The following GPC3 variants were observed in gnomAD, a reference collection of about 807,000 sequenced individuals.
GPC3 encodes the protein glypican-3.
A neutral mutation model predicts 34.4 loss-of-function variants in GPC3; 3 were observed. The ratio of observed to expected loss-of-function variants is 0.09; its 90% CI spans 0.04 to 0.23. GPC3 has a LOEUF of 0.23. Ranked by LOEUF, GPC3 falls within the 10% of genes least tolerant of loss-of-function variation. The pLI is 1.00. For missense variants in GPC3, 351 were observed against 445.6 expected, an observed-to-expected ratio of 0.79 and a Z score of 1.91; for synonymous variants, 177 against 174.0, an observed-to-expected ratio of 1.02 and a Z score of -0.13.
At chrX:133,665,778 C>T (rs1236054014) in intron 5 of GPC3, among the ~76,000 whole-genome samples, 4 of 111,649 alleles carry the variant, frequency 3.6e-5, no homozygotes, top group Non-Finnish European at 1.9e-5. Flanking sequence ...TCATATAATG[C>T]GGTCTGTTTA....
At position 133,940,542 on chromosome X, in the gene GPC3, T is replaced by C. The variant is rs958681388; in HGVS notation, c.337+12508A>G. ...ATGAAGATTACTCAAGTCTAGCACA[T>C]AGTACACTTTTAGTAAGATTAGTTA... is the stretch of plus-strand genomic sequence containing the variant. On this transcript the variant is annotated intron_variant, in intron 2 of 7. Coordinates refer to ENST00000370818, the MANE Select transcript of GPC3 (RefSeq NM_004484.4). Among the ~76,000 whole-genome samples, 6 of 111,585 alleles carry C rather than the reference T, an allele frequency of 5.4e-5. No homozygotes were observed. The East Asian group carries it at 8.5e-4, about 16-fold the overall frequency.
chrX:133,962,926 G>A (rs372027391), intron 1 of GPC3, among the ~76,000 whole-genome samples: 1 of 111,427 alleles, frequency 9.0e-6, no homozygotes, highest in Non-Finnish European at 1.9e-5. Context: ...TACCAAATCA[G>A]CTGTGTGACT....
rs189678655 is a variant in GPC3 at position 133,744,669 on chromosome X, C to T, written c.1032+8813G>A. The stretch of plus-strand genomic sequence containing the variant: ...TAGCAATCCCATTACTGGGTATATA[C>T]CCAAAGAATTATAAATCATTATACT... On this transcript the variant is annotated intron_variant, in intron 3 of 7. Transcript: ENST00000370818. 4.1e-4 allele frequency among the ~76,000 whole-genome samples: 46 copies of T among 112,170 alleles called. No homozygotes were observed. In the East Asian group the frequency reaches 0.011, roughly 26 times the overall value.
intron 5 of GPC3, among the ~76,000 whole-genome samples, chrX:133,677,131 G>A (rs901591133): frequency 1.8e-5 from 2 of 111,569 alleles, no homozygotes; most frequent in African/African-American, 6.5e-5. Context: ...GTTTAATTAT[G>A]TGAGTTGTAC....
intron 2 of GPC3, among the ~76,000 whole-genome samples, chrX:133,896,632 A>C (rs1270856827): frequency 9.0e-6 from 1 of 111,686 alleles, no homozygotes. Flanking sequence ...CTCTCTTTAC[A>C]TGAATGCTTT....
intron 7 of GPC3, among the ~76,000 whole-genome samples, chrX:133,593,113 A>G (rs928464350): frequency 3.6e-5 from 4 of 109,944 alleles, no homozygotes; most frequent in Non-Finnish European, 7.6e-5. Context: ...GGATCACACG[A>G]GGTCAGGAGT....
At chrX:133,762,542 A>G (rs2071804001) in intron 2 of GPC3, among the ~76,000 whole-genome samples, 1 of 111,836 alleles carries the variant, frequency 8.9e-6, no homozygotes, top group Admixed American at 9.5e-5. Flanking sequence ...CCGTTAAAAC[A>G]TGGGCAAAAT....
chrX:133,884,810 A>C (rs2076055764), intron 2 of GPC3, among the ~76,000 whole-genome samples: 1 of 112,083 alleles, frequency 8.9e-6, no homozygotes, highest in African/African-American at 3.2e-5. Context: ...CTACCAGAAA[A>C]TTCACCAGAA....
chrX:133,912,279 G>A (rs919688125), intron 2 of GPC3, among the ~76,000 whole-genome samples: 6 of 112,275 alleles, frequency 5.3e-5, no homozygotes, highest in Non-Finnish European at 7.5e-5. Flanking sequence ...GGGCAGCCCC[G>A]CCTATGGGAA....
intron 2 of GPC3, among the ~76,000 whole-genome samples, chrX:133,816,873 T>C (rs2075694273): frequency 8.9e-6 from 1 of 112,017 alleles, no homozygotes; most frequent in Non-Finnish European, 1.9e-5. Flanking sequence ...ATTGACCCTC[T>C]GAAATGTGAT....
At chrX:133,741,871 C>T (rs924276168) in intron 3 of GPC3, among the ~76,000 whole-genome samples, 24 of 112,857 alleles carry the variant, frequency 2.1e-4, no homozygotes, top group African/African-American at 7.7e-4. Context: ...TGTGGCAGCA[C>T]AAGGCAAAGA....
intron 2 of GPC3, among the ~76,000 whole-genome samples, chrX:133,807,326 G>T (rs753381169): frequency 8.9e-6 from 1 of 111,866 alleles, no homozygotes; most frequent in African/African-American, 3.2e-5. Context: ...ACCAGTGGAA[G>T]CTTCCTGAGG....
chrX:133,766,528 A>G (rs1000208171), intron 2 of GPC3, among the ~76,000 whole-genome samples: 3 of 112,403 alleles, frequency 2.7e-5, no homozygotes, highest in Non-Finnish European at 5.6e-5. Flanking sequence ...AGATCACCAT[A>G]TCTGCAAAAT....
At chrX:133,792,318 C>G (rs1320282748) in intron 2 of GPC3, among the ~76,000 whole-genome samples, 2 of 111,844 alleles carry the variant, frequency 1.8e-5, no homozygotes, top group African/African-American at 6.5e-5. Flanking sequence ...GGACACAGTG[C>G]CTAGCACATA....
chrX:133,650,373 C>T (rs2070587246), intron 6 of GPC3, among the ~76,000 whole-genome samples: 1 of 109,234 alleles, frequency 9.2e-6, no homozygotes, highest in African/African-American at 3.3e-5. Context: ...GGCAGCCTGC[C>T]TATTTATAGA....
chrX:133,827,432 G>A (rs1282562424), intron 2 of GPC3, among the ~76,000 whole-genome samples: 1 of 111,869 alleles, frequency 8.9e-6, no homozygotes, highest in Non-Finnish European at 1.9e-5. Context: ...GATATATACA[G>A]ATGTAATTTG....
chrX:133,583,620 C>T (rs763727645), intron 7 of GPC3, among the ~76,000 whole-genome samples: 11 of 111,835 alleles, frequency 9.8e-5, no homozygotes, highest in African/African-American at 3.6e-4. Context: ...CTGCCTCGGC[C>T]TCCCAAAGTG....
At chrX:133,963,507 C>T (rs1445490652) in intron 1 of GPC3, among the ~76,000 whole-genome samples, 1 of 110,899 alleles carries the variant, frequency 9.0e-6, no homozygotes, top group Non-Finnish European at 1.9e-5. Flanking sequence ...TTCCCTGTTT[C>T]GCTCATGCTT....
intron 2 of GPC3, among the ~76,000 whole-genome samples, chrX:133,849,641 C>A (rs1319459894): frequency 9.0e-6 from 1 of 111,244 alleles, no homozygotes; most frequent in Non-Finnish European, 1.9e-5. Context: ...CTGTGCCCAG[C>A]CTGCCTGATC....
Sources: allele counts gnomAD v4.1 joint callset (sites outside exome capture counted in the v4.1 genomes callset), GRCh38; gene constraint gnomAD v4.1.1; transcripts MANE v1.5; gene names NCBI Gene and HGNC (gene_info 2026-07-23, HGNC 2026-07-21).